CRPPA: variants seen among roughly 807,000 people sequenced by gnomAD.
CRPPA encodes CDP-L-ribitol pyrophosphorylase A.
A neutral mutation model predicts 52.0 loss-of-function variants in CRPPA; 43 were observed. That is an observed-to-expected ratio of 0.83 (90% CI 0.65 to 1.07). CRPPA has a LOEUF of 1.07. Ranked by LOEUF, CRPPA falls within the 50% of genes least tolerant of loss-of-function variation. The pLI is 0.00. For synonymous variants in CRPPA, 250 were observed against 203.5 expected, an observed-to-expected ratio of 1.23 and a Z score of -1.94; for missense variants, 629 against 551.7, an observed-to-expected ratio of 1.14 and a Z score of -1.40.
At chr7:16,285,410 AG>A (rs1371697632) in intron 5 of CRPPA, among the ~76,000 whole-genome samples, 3 of 152,166 alleles carry the variant, frequency 2.0e-5, no homozygotes, top group African/African-American at 7.2e-5. Flanking sequence ...CTATTTTTTA[AG>A]TAGCTTCTAA....
At chr7:16,315,990 G>A (rs1056010151) in intron 3 of CRPPA, among the ~76,000 whole-genome samples, 5 of 152,178 alleles carry the variant, frequency 3.3e-5, no homozygotes, top group African/African-American at 1.2e-4. Flanking sequence ...TTGTTAGGAA[G>A]GAGTAACAAC....
intron 3 of CRPPA, among the ~76,000 whole-genome samples, chr7:16,363,678 AT>A (rs1245659501): frequency 6.6e-6 from 1 of 152,204 alleles, no homozygotes; most frequent in Admixed American, 6.5e-5. Flanking sequence ...CTCTTTAGTG[AT>A]GGAATCTAGA....
intron 9 of CRPPA, among the ~76,000 whole-genome samples, chr7:16,118,107 T>C (rs1348403272): frequency 6.6e-6 from 1 of 152,200 alleles, no homozygotes; most frequent in African/African-American, 2.4e-5. Flanking sequence ...AATGTATCCA[T>C]TCATTAAGTA....
intron 9 of CRPPA, among the ~76,000 whole-genome samples, chr7:16,102,832 T>A (rs1033088588): frequency 6.6e-6 from 1 of 152,108 alleles, no homozygotes; most frequent in South Asian, 2.1e-4. Context: ...TGTGGAGAAA[T>A]AGGAACACTT....
intron 5 of CRPPA, among the ~76,000 whole-genome samples, chr7:16,299,449 T>C (rs1347584414): frequency 1.3e-5 from 2 of 152,126 alleles, no homozygotes; most frequent in Admixed American, 1.3e-4. Context: ...CAACCAGAGC[T>C]CCTGTTAAAA....
chr7:16,380,556 G>C (rs913819655), intron 2 of CRPPA, among the ~76,000 whole-genome samples: 2 of 152,174 alleles, frequency 1.3e-5, no homozygotes, highest in African/African-American at 4.8e-5. Flanking sequence ...AGTAGTTTCA[G>C]AAGGAATGGT....
At chr7:16,131,961 T>A (rs1782689076) in intron 9 of CRPPA, among the ~76,000 whole-genome samples, 1 of 152,114 alleles carries the variant, frequency 6.6e-6, no homozygotes, top group East Asian at 1.9e-4. Context: ...CCGAAGCCAG[T>A]AGGGCAAAGC....
intron 2 of CRPPA, among the ~76,000 whole-genome samples, chr7:16,392,053 C>T (rs904542369): frequency 1.1e-4 from 17 of 152,134 alleles, no homozygotes; most frequent in African/African-American, 3.9e-4. Context: ...CTCATTCATG[C>T]CACTTAATAG....
chr7:16,290,719 G>T (rs576967928), intron 5 of CRPPA, among the ~76,000 whole-genome samples: 1 of 152,130 alleles, frequency 6.6e-6, no homozygotes, highest in East Asian at 1.9e-4. Context: ...AAATGCTTCA[G>T]GACATTGGTG....
At chr7:16,328,928 T>A (rs1249359116) in intron 3 of CRPPA, among the ~76,000 whole-genome samples, 1 of 152,198 alleles carries the variant, frequency 6.6e-6, no homozygotes, top group African/African-American at 2.4e-5. Flanking sequence ...GCACACAGTT[T>A]GGGCCATAGG....
intron 3 of CRPPA, among the ~76,000 whole-genome samples, chr7:16,369,907 G>A (rs572857604): frequency 6.6e-6 from 1 of 152,206 alleles, no homozygotes; most frequent in African/African-American, 2.4e-5. Flanking sequence ...ATGTGAGAGG[G>A]GGAAAGTCTG....
chr7:16,157,727 G>A (rs139300237), intron 9 of CRPPA, among the ~76,000 whole-genome samples: 3 of 152,046 alleles, frequency 2.0e-5, no homozygotes, highest in South Asian at 2.1e-4. Context: ...AGCATAGCAC[G>A]AAGGTCTACC....
Position 16,089,537 on chromosome 7 carries a change from A to ATAGATATGGG in CRPPA, c.*2157_*2158insCCCATATCTA, listed in dbSNP as rs1491206900. The ATAGATATGGG allele has an allele frequency of 5.5e-5, 14 of 255,036 alleles. No individual in the cohort carries two copies. Among genetic ancestry groups the ATAGATATGGG allele is most frequent in the Non-Finnish European group, 8.6e-6 (1 of 116,808 alleles). The allele number at this position is 255,036 out of a possible 1,614,324, so 15.8% of individuals were successfully genotyped here. On this transcript the variant is annotated 3_prime_UTR_variant, in exon 10 of 10. Coordinates refer to ENST00000407010, the MANE Select transcript of CRPPA (RefSeq NM_001101426.4). ...TATGGGTATATATGTACGTACATAC[A>ATAGATATGGG]TATATATGTATATACATGTAAGTAT...
At chr7:16,397,752 G>A (rs565087212) in intron 2 of CRPPA, among the ~76,000 whole-genome samples, 33 of 152,272 alleles carry the variant, frequency 2.2e-4, no homozygotes, top group African/African-American at 7.2e-4. Flanking sequence ...CGAATGACAC[G>A]ATTGGCACGT....
intron 6 of CRPPA, chr7:16,269,654 G>A (rs946497585): frequency 2.0e-5 from 3 of 152,224 alleles, no homozygotes; most frequent in Middle Eastern, 3.4e-3. Context: ...AAGATAACAC[G>A]ATAATGTACT....
At chr7:16,385,965 T>C (rs934102492) in intron 2 of CRPPA, among the ~76,000 whole-genome samples, 7 of 152,208 alleles carry the variant, frequency 4.6e-5, no homozygotes, top group African/African-American at 7.2e-5. Flanking sequence ...CCAGTGGGCA[T>C]GCATGTTACA....
In CRPPA at chr7:16,215,738, G is replaced by A. The variant is rs566549807; in HGVS notation, c.1251+328C>T. On this transcript the variant is annotated intron_variant, in intron 9 of 9. Transcript: ENST00000407010. ...ATTTGAAATTCAAATTTCATATTTG[G>A]AACAAACTTAACAAAAAGTATTATA... Among the ~76,000 whole-genome samples the A allele has an allele frequency of 5.9e-5, 9 of 152,188 alleles. No individual in the cohort carries two copies. In the South Asian group the frequency reaches 1.0e-3, roughly 18 times the overall value.
intron 4 of CRPPA, among the ~76,000 whole-genome samples, chr7:16,301,707 C>G (rs960713217): frequency 6.6e-6 from 1 of 152,082 alleles, no homozygotes; most frequent in African/African-American, 2.4e-5. Context: ...TTACCGAAAT[C>G]TTAATGTAAC....
intron 5 of CRPPA, among the ~76,000 whole-genome samples, chr7:16,294,345 GA>G (rs995286840): frequency 1.3e-4 from 20 of 151,794 alleles, no homozygotes; most frequent in African/African-American, 4.4e-4. Flanking sequence ...CTTCAAAAGC[GA>G]CAGATTTACT....
Sources: allele counts gnomAD v4.1 joint callset (sites outside exome capture counted in the v4.1 genomes callset), GRCh38; gene constraint gnomAD v4.1.1; transcripts MANE v1.5; gene names NCBI Gene and HGNC (gene_info 2026-07-23, HGNC 2026-07-21).